Variants in C14orf39 observed in about 807,000 individuals in gnomAD.
The protein encoded by C14orf39 is protein SIX6OS1.
In C14orf39, 66 loss-of-function variants were observed where a neutral mutation model predicts 85.6. That is an observed-to-expected ratio of 0.77 (90% CI 0.63 to 0.95). C14orf39 has a LOEUF of 0.95. Among genes scored for constraint, C14orf39 ranks in the 40% least tolerant of loss-of-function variants. C14orf39 has a pLI of 0.00. For missense variants in C14orf39, 735 were observed against 663.9 expected, an observed-to-expected ratio of 1.11 and a Z score of -1.18; for synonymous variants, 242 against 214.0, an observed-to-expected ratio of 1.13 and a Z score of -1.14.
intron 7 of C14orf39, 113 bp downstream of exon 7, chr14:60,471,304 A>G: frequency 1.1e-6 from 1 of 899,808 alleles, no homozygotes; most frequent in South Asian, 1.7e-5. Context: ...AAATATTTTA[A>G]TTAAACACAA....
upstream of C14orf39, among the ~76,000 whole-genome samples, chr14:60,490,932 G>A (rs1486686474): frequency 1.3e-5 from 2 of 152,160 alleles, no homozygotes; most frequent in East Asian, 1.9e-4. Context: ...AAAATCTTGG[G>A]TAGATATATT....
chr14:60,458,844 C>T, intron 13 of C14orf39, 105 bp from the exon 14 acceptor site: 3 of 805,426 alleles, frequency 3.7e-6, no homozygotes, highest in Non-Finnish European at 5.9e-6. Flanking sequence ...TTTTAACCTA[C>T]AAAAATGGCA....
intron 1 of C14orf39, among the ~76,000 whole-genome samples, chr14:60,513,786 G>A (rs1280686832): frequency 2.0e-5 from 3 of 152,092 alleles, no homozygotes; most frequent in East Asian, 3.8e-4. Context: ...AAGAAACTAA[G>A]CTTTCTCTTT....
chr14:60,456,929 G>T lies in C14orf39; in HGVS notation c.1346C>A (p.Pro449His). 1 of 1,565,414 alleles carries T rather than the reference G, an allele frequency of 6.4e-7. No homozygotes were observed. The highest frequency in any genetic ancestry group is 8.6e-7 in the Non-Finnish European group (1 of 1,162,110). ...SLEKIKFPKT[P>H]PFEINRNRNA... ...ATTAAAATCCTACATTTCGAACGGG[G>T]GGGTTTTAGGGAATTTTATTTTCTC... Residue 449 changes from proline (P) to histidine (H), a missense_variant, in exon 15 of 18, where the codon CCC becomes CAC. Coordinates refer to ENST00000321731, the MANE Select transcript of C14orf39 (RefSeq NM_174978.3).
chr14:60,444,449 A>G (rs1240770916), intron 16 of C14orf39, among the ~76,000 whole-genome samples: 1 of 152,228 alleles, frequency 6.6e-6, no homozygotes, highest in Admixed American at 6.5e-5. Context: ...AAAGGATATC[A>G]GTGATTGAAG....
rs756037754 is a variant in C14orf39, at chr14:60,458,759, A to C, written c.1118-20T>G. ...CAGCATCTGTTGTCATATGAGAACA[A>C]ACTATTTTTCTTTTTGTAATTTTAT... On this transcript the variant is annotated intron_variant, in intron 13 of 17. Transcript: ENST00000321731. 37 of 1,557,152 alleles carry C rather than the reference A, an allele frequency of 2.4e-5. No homozygotes were observed. The South Asian group carries it at 4.2e-4, about 17-fold the overall frequency.
At chr14:60,464,711 T>C (rs1418498281) in intron 11 of C14orf39, among the ~76,000 whole-genome samples, 1 of 152,126 alleles carries the variant, frequency 6.6e-6, no homozygotes, top group African/African-American at 2.4e-5. Flanking sequence ...TTCTTCTTTT[T>C]TTCAGCCTCA....
Position 60,436,734 on chromosome 14 carries a change from T to C in C14orf39, c.*111A>G. On this transcript the variant is annotated 3_prime_UTR_variant, in exon 18 of 18. Transcript: ENST00000321731. ...TAAATATAATCAAATAATGTAAACA[T>C]TACTGCTTTAATCAATAAAAGAAAG... The C allele has an allele frequency of 2.8e-6, 2 of 710,178 alleles. No homozygotes were observed. Among genetic ancestry groups the C allele is most frequent in the Non-Finnish European group, 4.7e-6 (2 of 427,752 alleles). The allele number at this position is 710,178 out of a possible 1,614,324, so 44.0% of individuals were successfully genotyped here. A position where few individuals can be genotyped will look rare whatever the true frequency, so the allele number is the denominator to read the frequency against.
At chr14:60,487,118 G>C (rs1892909824), upstream of C14orf39, among the ~76,000 whole-genome samples, 1 of 152,126 alleles carries the variant, frequency 6.6e-6, no homozygotes, top group Admixed American at 6.5e-5. Flanking sequence ...TTTTGGGTGT[G>C]TGTGGTGAGA....
chr14:60,436,979 G>A lies in C14orf39; in HGVS notation c.1630C>T (p.His544Tyr), dbSNP rs368748795. ...TFSFPSDTST[H>Y]TFGAGKDDFS... ...TCATCTTTTCCAGCTCCAAATGTATGAGTTGAAGTGTCTGATGGAAAAGAA... is the reference window on the plus strand; with the variant it reads ...TCATCTTTTCCAGCTCCAAATGTATAAGTTGAAGTGTCTGATGGAAAAGAA... Residue 544 changes from histidine (H) to tyrosine (Y), a missense_variant, in exon 18 of 18, where the codon CAT becomes TAT. His to Tyr is a moderately conservative substitution (Grantham distance 83). Transcript: ENST00000321731. The A allele has an allele frequency of 6.2e-6, 10 of 1,612,870 alleles. 1 individual carries two copies.
At chr14:60,472,366 G>A (rs1892130099) in intron 5 of C14orf39, among the ~76,000 whole-genome samples, 1 of 151,970 alleles carries the variant, frequency 6.6e-6, no homozygotes, top group Non-Finnish European at 1.5e-5. Context: ...AATCTTGAGT[G>A]AGACAGTTAA....
At chr14:60,511,257 C>A in intron 1 of C14orf39, 1 of 1,613,264 alleles carries the variant, frequency 6.2e-7, no homozygotes, top group Non-Finnish European at 8.5e-7. Context: ...ATCTGAGTTG[C>A]CCATCCAGGA....
chr14:60,458,560 G>T, intron 14 of C14orf39, 118 bp downstream of exon 14: 1 of 651,992 alleles, frequency 1.5e-6, no homozygotes, highest in Non-Finnish European at 2.5e-6. Context: ...CTAGAAACCT[G>T]ATCACCAAGC....
At chr14:60,475,765 C>T (rs1892342923) in intron 5 of C14orf39, among the ~76,000 whole-genome samples, 1 of 152,114 alleles carries the variant, frequency 6.6e-6, no homozygotes, top group African/African-American at 2.4e-5. Context: ...AAATCCAGTT[C>T]TTTATAGAAA....
At chr14:60,442,010 G>T in intron 17 of C14orf39, 64 bp downstream of exon 17, 1 of 1,116,076 alleles carries the variant, frequency 9.0e-7, no homozygotes, top group Non-Finnish European at 1.3e-6. Flanking sequence ...ATAAGTTAGA[G>T]AAACTAAATA....
At chr14:60,460,525 T>C (rs563735970) in intron 13 of C14orf39, among the ~76,000 whole-genome samples, 15 of 151,816 alleles carry the variant, frequency 9.9e-5, no homozygotes, top group Non-Finnish European at 1.9e-4. Context: ...AAAAGTCAGT[T>C]ATCAGACAAA....
intron 5 of C14orf39, among the ~76,000 whole-genome samples, chr14:60,473,294 C>A (rs1005309679): frequency 3.9e-5 from 6 of 152,130 alleles, no homozygotes; most frequent in African/African-American, 7.2e-5. Flanking sequence ...ATTATAGATT[C>A]TGGATATCAG....
intron 9 of C14orf39, among the ~76,000 whole-genome samples, chr14:60,467,938 T>C (rs1252232093): frequency 1.3e-5 from 2 of 151,302 alleles, no homozygotes; most frequent in Non-Finnish European, 3.0e-5. Flanking sequence ...AAAGTCCATC[T>C]ATTTTTTTTT....
chr14:60,484,903 T>C lies in C14orf39; in HGVS notation c.84A>G (p.Glu28=), dbSNP rs1892810570. Residue 28 remains glutamate, a synonymous_variant, in exon 3 of 18, where the codon GAA becomes GAG. Coordinates refer to ENST00000321731, the MANE Select transcript of C14orf39 (RefSeq NM_174978.3). This position sits in a 1 kb window ranked among gnomAD's most constrained non-coding sequence, Gnocchi z 4.2. ...TACTATTAATTCTTTGAATCATCTC[T>C]TCTTTAGTACTTATGTCTTGCTCAT... ...FQYEQDISTK[E]EMIQRINKCC... 2 of 1,568,832 alleles carry C rather than the reference T, an allele frequency of 1.3e-6. No individual in the cohort carries two copies. Among genetic ancestry groups the C allele is most frequent in the Admixed American group, 1.9e-5 (1 of 52,016 alleles).
Sources: allele counts gnomAD v4.1 joint callset (sites outside exome capture counted in the v4.1 genomes callset), GRCh38; gene constraint gnomAD v4.1.1; non-coding constraint Gnocchi (gnomAD v3.1); transcripts MANE v1.5; gene names NCBI Gene and HGNC (gene_info 2026-07-23, HGNC 2026-07-21).